The following LITAF variants were observed in gnomAD, a reference collection of about 807,000 sequenced individuals.
LITAF encodes lipopolysaccharide-induced tumor necrosis factor-alpha factor.
A neutral mutation model predicts 14.5 loss-of-function variants in LITAF; 9 were observed. The ratio of observed to expected loss-of-function variants is 0.62; its 90% CI spans 0.37 to 1.08. The LOEUF is 1.08. Among genes scored for constraint, LITAF ranks in the 50% least tolerant of loss-of-function variants. The pLI is 0.01. For missense variants in LITAF, 206 were observed against 213.4 expected (o/e 0.97, Z 0.22); for synonymous variants, 98 against 88.2 (o/e 1.11, Z -0.62).
chr16:11,569,013 C>T (rs56094572), intron 1 of LITAF, among the ~76,000 whole-genome samples: 43,994 of 151,882 alleles, frequency 0.29, 6,650 homozygotes, highest in African/African-American at 0.38. Flanking sequence ...CAGGGCCTTT[C>T]TCCTCCCTGA....
At chr16:11,550,960 C>G (rs1038923380) in intron 3 of LITAF, among the ~76,000 whole-genome samples, 10 of 152,150 alleles carry the variant, frequency 6.6e-5, no homozygotes, top group African/African-American at 2.4e-4. Flanking sequence ...TTGCCAACCC[C>G]CGTCTTACTG....
chr16:11,554,082 A>C (rs1032788996), intron 2 of LITAF, among the ~76,000 whole-genome samples: 7 of 152,096 alleles, frequency 4.6e-5, no homozygotes, highest in African/African-American at 1.7e-4. Flanking sequence ...AAATATAAAA[A>C]TTAGCCCAGC....
intron 1 of LITAF, among the ~76,000 whole-genome samples, chr16:11,576,622 C>A (rs536368528): frequency 6.7e-6 from 1 of 148,894 alleles, no homozygotes; most frequent in Non-Finnish European, 1.5e-5. Context: ...TGGTTCTACA[C>A]GGTCCCAGGC....
upstream of LITAF, among the ~76,000 whole-genome samples, chr16:11,637,966 C>CTATATATCTA (rs1229224477): frequency 1.9e-3 from 59 of 30,782 alleles, 8 homozygotes; most frequent in East Asian, 6.4e-3. Flanking sequence ...CTATATATAT[C>CTATATATCTA]TATATATCTA....
At chr16:11,629,555 G>GCT (rs2065105553) in intron 3 of LITAF, among the ~76,000 whole-genome samples, 1 of 152,160 alleles carries the variant, frequency 6.6e-6, no homozygotes, top group Admixed American at 6.5e-5. Flanking sequence ...AAGAAGGGTG[G>GCT]GTGAGGGGTG....
rs531401810 is a variant in LITAF, at chr16:11,548,390, T to G, written c.*1247A>C. The stretch of plus-strand genomic sequence containing the variant: ...CTGAAAACTAAAATCAGACTTTAGA[T>G]TCCTCTGAAACAGTTCTGGTTCCCA... On this transcript the variant is annotated 3_prime_UTR_variant, in exon 4 of 4. Transcript: ENST00000622633. 2.2e-6 allele frequency: 1 copy of G among 454,020 alleles called. No individual in the cohort carries two copies. The highest frequency in any genetic ancestry group is 1.6e-5 in the South Asian group (1 of 64,464). 28.1% of individuals were successfully genotyped at this position (454,020 alleles called of 1,614,324 possible). A position where few individuals can be genotyped will look rare whatever the true frequency, so the allele number is the denominator to read the frequency against.
At chr16:11,623,892 G>A (rs879826416) in intron 3 of LITAF, among the ~76,000 whole-genome samples, 5 of 151,308 alleles carry the variant, frequency 3.3e-5, no homozygotes, top group Admixed American at 6.6e-5. Flanking sequence ...TCTTGAGCCC[G>A]GGAGGCAGAG....
At chr16:11,627,194 G>A (rs2141901532) in intron 3 of LITAF, among the ~76,000 whole-genome samples, 1 of 152,342 alleles carries the variant, frequency 6.6e-6, no homozygotes. Flanking sequence ...ATGGGCATGT[G>A]ACCCAAGCCA....
At chr16:11,604,561 C>G (rs139476202) in intron 3 of LITAF, among the ~76,000 whole-genome samples, 215 of 150,282 alleles carry the variant, frequency 1.4e-3, no homozygotes, top group Non-Finnish European at 1.8e-3. Context: ...AATCCCAGCA[C>G]TTTGGGAGGC....
intron 3 of LITAF, among the ~76,000 whole-genome samples, chr16:11,617,650 C>T (rs1260820333): frequency 1.3e-5 from 2 of 151,768 alleles, no homozygotes; most frequent in African/African-American, 4.8e-5. Flanking sequence ...TGGTCTCGAA[C>T]TCCTGACCTT....
upstream of LITAF, among the ~76,000 whole-genome samples, chr16:11,636,616 G>A (rs763183718): frequency 1.3e-5 from 2 of 152,110 alleles, no homozygotes; most frequent in Non-Finnish European, 2.9e-5. Flanking sequence ...GTTCCTTTAC[G>A]GTACACACGA....
intron 3 of LITAF, among the ~76,000 whole-genome samples, chr16:11,627,934 T>C (rs2065093861): frequency 6.6e-6 from 1 of 150,956 alleles, no homozygotes; most frequent in Non-Finnish European, 1.5e-5. Context: ...GGAAAATCAT[T>C]TGAACCCAGG....
At chr16:11,615,162 G>A (rs552056833) in intron 3 of LITAF, among the ~76,000 whole-genome samples, 2 of 152,314 alleles carry the variant, frequency 1.3e-5, no homozygotes, top group Admixed American at 6.5e-5. Context: ...GCTGAGGAAA[G>A]AACAGAGATC....
intron 3 of LITAF, among the ~76,000 whole-genome samples, chr16:11,610,246 C>G (rs933570918): frequency 6.6e-6 from 1 of 152,236 alleles, no homozygotes; most frequent in African/African-American, 2.4e-5. Flanking sequence ...GGATCTCTAT[C>G]GGCAATCCCT....
Position 11,548,002 on chromosome 16 carries a change from C to T in LITAF, c.*1635G>A, listed in dbSNP as rs547715732. 8.6e-5 allele frequency: 39 copies of T among 454,038 alleles called. No homozygotes were observed. The highest frequency in any genetic ancestry group is 4.2e-4 in the African/African-American group (21 of 50,092). The allele number at this position is 454,038 out of a possible 1,614,324, so 28.1% of individuals were successfully genotyped here. On this transcript the variant is annotated 3_prime_UTR_variant, in exon 4 of 4. Coordinates refer to ENST00000622633, the MANE Select transcript of LITAF (RefSeq NM_001136472.2). The stretch of plus-strand genomic sequence containing the variant: ...CCAAAAGAACTCATAAATAGTTCAC[C>T]GGGTGAACCAAAGACTTTATTTTTC...
intron 3 of LITAF, among the ~76,000 whole-genome samples, chr16:11,614,395 G>A (rs2141882727): frequency 6.6e-6 from 1 of 150,950 alleles, no homozygotes; most frequent in Non-Finnish European, 1.5e-5. Flanking sequence ...CACCTCCCAG[G>A]TTCAAGCAAT....
chr16:11,574,457 C>T (rs1401068484), intron 1 of LITAF, among the ~76,000 whole-genome samples: 4 of 152,222 alleles, frequency 2.6e-5, no homozygotes, highest in Non-Finnish European at 5.9e-5. Context: ...GTGTGACAAA[C>T]ACTGGTCACT....
intron 3 of LITAF, among the ~76,000 whole-genome samples, chr16:11,614,166 TA>T (rs1459671578): frequency 1.3e-5 from 2 of 152,200 alleles, no homozygotes; most frequent in Admixed American, 1.3e-4. Flanking sequence ...CTAGGTGGCT[TA>T]AAACAACAGA....
intron 3 of LITAF, among the ~76,000 whole-genome samples, chr16:11,623,042 C>A (rs939931032): frequency 4.0e-5 from 6 of 151,380 alleles, no homozygotes; most frequent in African/African-American, 1.2e-4. Flanking sequence ...CGGCTCACTG[C>A]AAGCTCCGCC....
Sources: gnomAD v4.1 joint callset for allele counts (sites outside exome capture counted in the v4.1 genomes callset) on GRCh38, gnomAD v4.1.1 for gene constraint, MANE v1.5 for transcripts, NCBI Gene and HGNC (gene_info 2026-07-23, HGNC 2026-07-21) for gene names.